SMAP1: variants seen among roughly 807,000 people sequenced by gnomAD.
The protein encoded by SMAP1 is stromal membrane-associated protein 1.
Under a neutral mutation model 58.5 loss-of-function variants are expected in SMAP1, and 24 were observed. That is an observed-to-expected ratio of 0.41 (90% CI 0.30 to 0.58). The LOEUF (loss-of-function observed/expected upper bound fraction) is 0.58, where lower values mean the gene tolerates loss of function less well. SMAP1 is among the 20% of genes least tolerant of loss of function. The probability of loss-of-function intolerance (pLI) is 0.29; values close to 1 mark genes in which losing one functional copy is unlikely to be tolerated. For missense variants in SMAP1, 563 were observed against 566.3 expected (o/e 0.99, Z 0.06); for synonymous variants, 216 against 196.6 (o/e 1.10, Z -0.82).
At chr6:70,777,470 G>T (rs896042758) in intron 4 of SMAP1, among the ~76,000 whole-genome samples, 2 of 151,974 alleles carry the variant, frequency 1.3e-5, no homozygotes, top group Non-Finnish European at 2.9e-5. Context: ...ATTTTTTGCT[G>T]TCGAGTTGTT....
chr6:70,706,883 C>G (rs1767862993), intron 1 of SMAP1, among the ~76,000 whole-genome samples: 1 of 151,798 alleles, frequency 6.6e-6, no homozygotes, highest in South Asian at 2.1e-4. Flanking sequence ...ATGTATAGCC[C>G]CAGGATATAT....
chr6:70,755,274 A>G (rs1167110629), intron 3 of SMAP1, among the ~76,000 whole-genome samples: 2 of 152,056 alleles, frequency 1.3e-5, no homozygotes, highest in East Asian at 3.8e-4. Flanking sequence ...ACATAAAAAT[A>G]CACGATACAT....
intron 1 of SMAP1, among the ~76,000 whole-genome samples, chr6:70,682,170 ATTTTTTTTTTTTTTTTTTTTTT>A (rs66981900): frequency 3.1e-5 from 3 of 95,920 alleles, no homozygotes; most frequent in African/African-American, 4.3e-5. Flanking sequence ...CTCTGCACAG[ATTTTTTTTTTTTTTTTTTTTTT>A]TTTTTTTTTT....
At chr6:70,830,683 TC>T (rs1383101245) in intron 6 of SMAP1, among the ~76,000 whole-genome samples, 6 of 152,328 alleles carry the variant, frequency 3.9e-5, no homozygotes, top group African/African-American at 1.4e-4. Flanking sequence ...TGAAGACTTT[TC>T]CATTTTAGAA....
intron 4 of SMAP1, among the ~76,000 whole-genome samples, chr6:70,776,262 A>G (rs547185997): frequency 6.6e-6 from 1 of 152,202 alleles, no homozygotes; most frequent in Admixed American, 6.5e-5. Context: ...GGCTCACTGC[A>G]ACCTCTGCCT....
intron 7 of SMAP1, among the ~76,000 whole-genome samples, chr6:70,847,763 G>A (rs764261408): frequency 3.9e-5 from 6 of 152,120 alleles, no homozygotes; most frequent in African/African-American, 9.7e-5. Context: ...GCCTCCTGCT[G>A]CTCCCACCAT....
chr6:70,819,307 A>T (rs1312741539), intron 6 of SMAP1, among the ~76,000 whole-genome samples: 16 of 145,382 alleles, frequency 1.1e-4, no homozygotes, highest in Non-Finnish European at 2.4e-4. Context: ...AAAAAATACC[A>T]TGTTTTAATG....
intron 2 of SMAP1, among the ~76,000 whole-genome samples, chr6:70,753,974 T>C (rs1241211708): frequency 6.6e-6 from 1 of 151,930 alleles, no homozygotes; most frequent in Non-Finnish European, 1.5e-5. Context: ...GAAGAGTCAC[T>C]ATATTTTTTG....
intron 5 of SMAP1, 75 bp downstream of exon 5, chr6:70,791,844 C>T (rs1040800917): frequency 2.0e-5 from 25 of 1,240,794 alleles, no homozygotes; most frequent in Middle Eastern, 1.9e-4. Flanking sequence ...GTGTGTCATT[C>T]GGGAACACTA....
intron 4 of SMAP1, among the ~76,000 whole-genome samples, chr6:70,786,968 C>T (rs991518237): frequency 1.3e-5 from 2 of 152,034 alleles, no homozygotes; most frequent in African/African-American, 4.8e-5. Context: ...TCATATGGAA[C>T]CAAAAAAGAG....
chr6:70,711,867 G>C (rs775310443), intron 1 of SMAP1, among the ~76,000 whole-genome samples: 1 of 152,206 alleles, frequency 6.6e-6, no homozygotes, highest in South Asian at 2.1e-4. Context: ...AAAGGATTAC[G>C]TCATCTGCAA....
At chr6:70,693,298 CTTTTT>C (rs55693339) in intron 1 of SMAP1, among the ~76,000 whole-genome samples, 51,132 of 109,402 alleles carry the variant, frequency 0.47, 10,849 homozygotes, top group Middle Eastern at 0.56. Flanking sequence ...ATGTCATCTT[CTTTTT>C]TTTTTTTTTT....
intron 1 of SMAP1, chr6:70,668,532 C>A (rs1766131499): frequency 6.6e-7 from 1 of 1,522,246 alleles, no homozygotes; most frequent in Non-Finnish European, 8.8e-7. Context: ...TCATAGCTAT[C>A]TCTGTGGGTG....
At chr6:70,791,859 A>C in intron 5 of SMAP1, 90 bp downstream of exon 5, 1 of 1,045,590 alleles carries the variant, frequency 9.6e-7, no homozygotes, top group Non-Finnish European at 1.4e-6. Context: ...ACACTATAAT[A>C]GTTGTTGATA....
intron 4 of SMAP1, among the ~76,000 whole-genome samples, chr6:70,787,712 C>A (rs1768124258): frequency 6.6e-6 from 1 of 151,812 alleles, no homozygotes; most frequent in African/African-American, 2.4e-5. Flanking sequence ...CTCATCATCA[C>A]TGGCCATCAG....
chr6:70,671,183 TG>T (rs1248170669), intron 1 of SMAP1, among the ~76,000 whole-genome samples: 1 of 112,334 alleles, frequency 8.9e-6, no homozygotes, highest in East Asian at 2.1e-4. Flanking sequence ...CTTTGATTTT[TG>T]TTTTTTTTTT....
intron 6 of SMAP1, among the ~76,000 whole-genome samples, chr6:70,808,434 C>T (rs1554204619): frequency 6.6e-6 from 1 of 152,152 alleles, no homozygotes; most frequent in Non-Finnish European, 1.5e-5. Flanking sequence ...TTTTTAAAAA[C>T]AGATAGCCCA....
At chr6:70,768,144 C>T (rs771538827) in intron 3 of SMAP1, among the ~76,000 whole-genome samples, 3 of 152,118 alleles carry the variant, frequency 2.0e-5, no homozygotes, top group Non-Finnish European at 4.4e-5. Flanking sequence ...CTGCTGGGTT[C>T]GGTTTGCCAG....
At chr6:70,816,971 C>T (rs1049701879) in intron 6 of SMAP1, among the ~76,000 whole-genome samples, 6 of 151,852 alleles carry the variant, frequency 4.0e-5, no homozygotes, top group South Asian at 2.1e-4. Flanking sequence ...ATGTCTATTT[C>T]GGATATATTT....
Sources: gnomAD v4.1 joint callset for allele counts (sites outside exome capture counted in the v4.1 genomes callset) on GRCh38, gnomAD v4.1.1 for gene constraint, MANE v1.5 for transcripts, NCBI Gene and HGNC (gene_info 2026-07-23, HGNC 2026-07-21) for gene names.